The following RNF217 variants were observed in gnomAD, a reference collection of about 807,000 sequenced individuals.
The protein encoded by RNF217 is ring finger protein 217, also known as E3 ubiquitin-protein ligase RNF217.
Under a neutral mutation model 57.8 loss-of-function variants are expected in RNF217, and 31 were observed. The ratio of observed to expected loss-of-function variants is 0.54; its 90% CI spans 0.40 to 0.72. RNF217 has a LOEUF of 0.72. Among genes scored for constraint, RNF217 ranks in the 30% least tolerant of loss-of-function variants. The pLI is 0.00. For synonymous variants in RNF217, 313 were observed against 294.0 expected (o/e 1.06, Z -0.66); for missense variants, 696 against 708.3 (o/e 0.98, Z 0.20).
intron 1 of RNF217, among the ~76,000 whole-genome samples, chr6:124,975,507 T>G (rs1199860570): frequency 6.6e-6 from 1 of 152,220 alleles, no homozygotes; most frequent in Non-Finnish European, 1.5e-5. Context: ...CATGGTTCAC[T>G]GCAGCCTCTA....
chr6:125,035,636 A>G lies in RNF217; in HGVS notation c.883-9575A>G, dbSNP rs1786580205. ...CATTTCTTCTCTCTTAAAAATATTA[A>G]TTGGTAAACAAAGATTTAAATTATA... On this transcript the variant is annotated intron_variant, in intron 1 of 5. Transcript: ENST00000521654. Among the ~76,000 whole-genome samples, 3 of 152,182 alleles carry G rather than the reference A, an allele frequency of 2.0e-5. No homozygotes were observed. In the South Asian group the frequency reaches 6.2e-4, roughly 31 times the overall value.
At chr6:125,002,523 T>A (rs1785028062) in intron 1 of RNF217, among the ~76,000 whole-genome samples, 1 of 152,162 alleles carries the variant, frequency 6.6e-6, no homozygotes, top group Non-Finnish European at 1.5e-5. Context: ...CTTATTTACT[T>A]CCAACCTGAA....
At chr6:125,080,531 CAA>C (rs772139265) in intron 4 of RNF217, among the ~76,000 whole-genome samples, 19 of 152,026 alleles carry the variant, frequency 1.2e-4, no homozygotes, top group Non-Finnish European at 2.2e-4. Flanking sequence ...GAGTCTACTG[CAA>C]AGTTTCTCTC....
chr6:124,970,631 G>A (rs1398269006), intron 1 of RNF217, among the ~76,000 whole-genome samples: 1 of 152,202 alleles, frequency 6.6e-6, no homozygotes, highest in Non-Finnish European at 1.5e-5. Flanking sequence ...AAATTTGAAC[G>A]TGGATGGCAT....
intron 2 of RNF217, chr6:125,046,488 A>G (rs575880892): frequency 2.3e-6 from 1 of 432,932 alleles, no homozygotes; most frequent in East Asian, 7.1e-5. Context: ...CCCCAGAACA[A>G]TTGTCTTCCA....
At chr6:125,013,216 A>C (rs2114367199) in intron 1 of RNF217, among the ~76,000 whole-genome samples, 1 of 152,276 alleles carries the variant, frequency 6.6e-6, no homozygotes, top group South Asian at 2.1e-4. Flanking sequence ...TTTAGTGAGA[A>C]GAAACAGGTA....
intron 1 of RNF217, among the ~76,000 whole-genome samples, chr6:124,994,226 G>A (rs1036811056): frequency 6.6e-6 from 1 of 152,104 alleles, no homozygotes; most frequent in African/African-American, 2.4e-5. Flanking sequence ...CTAACCCCAT[G>A]TGCCTGTCAC....
chr6:125,076,090 C>A (rs1788356027), intron 3 of RNF217, among the ~76,000 whole-genome samples: 1 of 152,052 alleles, frequency 6.6e-6, no homozygotes, highest in Admixed American at 6.5e-5. Flanking sequence ...TGGTATTGTA[C>A]AAACAGTTCT....
At chr6:125,015,415 A>T (rs780213679) in intron 1 of RNF217, among the ~76,000 whole-genome samples, 4 of 152,164 alleles carry the variant, frequency 2.6e-5, no homozygotes, top group Non-Finnish European at 5.9e-5. Flanking sequence ...ATACACTAGG[A>T]TATTAATCAC....
intron 1 of RNF217, among the ~76,000 whole-genome samples, chr6:125,037,550 A>T (rs1786689690): frequency 1.3e-5 from 2 of 152,168 alleles, no homozygotes; most frequent in Admixed American, 6.6e-5. Flanking sequence ...GGCATCTAGC[A>T]CTAAGCCCTG....
In RNF217 at chr6:124,963,164, C is replaced by G. The variant is rs1333153913; in HGVS notation, c.620C>G (p.Pro207Arg). 3.3e-6 allele frequency: 5 copies of G among 1,535,518 alleles called. No individual in the cohort carries two copies. Among genetic ancestry groups the G allele is most frequent in the Non-Finnish European group, 4.4e-6 (5 of 1,146,634 alleles). The change falls in exon 1 of 6, where the codon CCC (proline) becomes CGC (arginine). Residue 207 changes from proline (P) to arginine (R), a missense_variant. Physicochemically the swap from Pro to Arg is moderately radical, Grantham distance 103 (BLOSUM62 -2). This residue lies in a region of RNF217 where 465 missense variants were observed against 386.8 expected (regional missense o/e 1.20). Coordinates refer to ENST00000521654, the MANE Select transcript of RNF217 (RefSeq NM_001286398.3). Reference protein sequence around the residue: ...PPSTRSSFPSPRLSLPTDSLS... With the variant: ...PPSTRSSFPSRRLSLPTDSLS... ...AGCACCCGCTCTTCCTTCCCCAGCC[C>G]CCGACTGTCCCTCCCAACGGATTCC...
Position 125,076,829 on chromosome 6 carries a change from T to C in RNF217, c.1454T>C (p.Leu485Ser). ...CGCTACCTCCCAGAGAGACCTCATT[T>C]AAGGAGATTAGTGCGAGGGTCAGTC... ...KYRYLPERPHLRRLVRGSVCA... is the reference protein window; with the variant it reads ...KYRYLPERPHSRRLVRGSVCA... Residue 485 changes from leucine to serine, a missense_variant, in exon 4 of 6, where the codon TTA (leucine) becomes TCA (serine). Leu to Ser is a moderately radical substitution (Grantham distance 145). Around this residue, in one of 2 missense-constraint regions of RNF217, gnomAD observed 231 missense variants for 321.4 expected, o/e 0.72. Transcript: ENST00000521654. 1.2e-6 allele frequency: 2 copies of C among 1,613,502 alleles called. No individual in the cohort carries two copies. The highest frequency in any genetic ancestry group is 1.7e-6 in the Non-Finnish European group (2 of 1,179,638).
rs79392876 is a variant in RNF217, at chr6:125,083,165, A to G, written c.*228A>G. 1.9e-3 allele frequency: 782 copies of G among 416,814 alleles called. 10 individuals carry two copies. In the East Asian group the frequency reaches 0.027, roughly 15 times the overall value. 25.8% of individuals were successfully genotyped at this position (416,814 alleles called of 1,614,324 possible). A position where few individuals can be genotyped will look rare whatever the true frequency, so the allele number is the denominator to read the frequency against. ...CTGCTTTTAAAAAATGGTCACTTTC[A>G]TAAACTATAAACATCTATATCATAA... On this transcript the variant is annotated 3_prime_UTR_variant, in exon 6 of 6. Coordinates refer to ENST00000521654, the MANE Select transcript of RNF217 (RefSeq NM_001286398.3).
chr6:125,040,867 G>A (rs1011497388), intron 1 of RNF217, among the ~76,000 whole-genome samples: 6 of 152,178 alleles, frequency 3.9e-5, no homozygotes, highest in African/African-American at 9.6e-5. Flanking sequence ...CTCAATAGAT[G>A]CAGAAAAGGC....
intron 1 of RNF217, among the ~76,000 whole-genome samples, chr6:125,024,679 C>G (rs1382634227): frequency 6.7e-6 from 1 of 149,046 alleles, no homozygotes; most frequent in Non-Finnish European, 1.5e-5. Context: ...AAGATCATGC[C>G]ACTGCACTCC....
At chr6:125,023,923 T>TG (rs1235286982) in intron 1 of RNF217, among the ~76,000 whole-genome samples, 1 of 151,916 alleles carries the variant, frequency 6.6e-6, no homozygotes, top group Non-Finnish European at 1.5e-5. Context: ...GGGATGGGCA[T>TG]GGGGGGAAAA....
intron 2 of RNF217, among the ~76,000 whole-genome samples, chr6:125,054,115 T>C (rs1252963573): frequency 6.6e-6 from 1 of 152,114 alleles, no homozygotes; most frequent in Non-Finnish European, 1.5e-5. Flanking sequence ...AGGAGTGAAC[T>C]TGTGGGCTGT....
rs541133136 is a variant in RNF217 at position 125,089,513 on chromosome 6, T to C, written c.*6576T>C. 2 of 152,304 alleles carry C rather than the reference T, an allele frequency of 1.3e-5. No individual in the cohort carries two copies. Among genetic ancestry groups the C allele is most frequent in the Admixed American group, 6.5e-5 (1 of 15,290 alleles). The allele number at this position is 152,304 out of a possible 1,614,324, so 9.4% of individuals were successfully genotyped here. ...TAGATTTTTAATAATCTAAAGTAGG[T>C]CACATTGAATGTAACTGATATTAAC... On this transcript the variant is annotated 3_prime_UTR_variant, in exon 6 of 6. Transcript: ENST00000521654.
chr6:125,038,206 A>G (rs796975808), intron 1 of RNF217, among the ~76,000 whole-genome samples: 7 of 152,300 alleles, frequency 4.6e-5, no homozygotes, highest in African/African-American at 1.7e-4. Context: ...ACTGAACAGC[A>G]TCTTTTTCAG....
Sources: gnomAD v4.1 joint callset for allele counts (sites outside exome capture counted in the v4.1 genomes callset) on GRCh38, gnomAD v4.1.1 for gene constraint, gnomAD v4.1.1 regional missense constraint, MANE v1.5 for transcripts, NCBI Gene and HGNC (gene_info 2026-07-23, HGNC 2026-07-21) for gene names.